The following MAGI1 variants were observed in gnomAD, a reference collection of about 807,000 sequenced individuals.
MAGI1 encodes membrane associated guanylate kinase, WW and PDZ domain containing 1, also known as membrane-associated guanylate kinase, WW and PDZ domain-containing protein 1.
In MAGI1, 58 loss-of-function variants were observed where a neutral mutation model predicts 139.9. The observed-to-expected ratio is 0.41, with a 90% CI of 0.34 to 0.52. The LOEUF (loss-of-function observed/expected upper bound fraction) is 0.52, where lower values mean the gene tolerates loss of function less well. Ranked by LOEUF, MAGI1 falls within the 20% of genes least tolerant of loss-of-function variation. The pLI is 0.12. For missense variants in MAGI1, 1,874 were observed against 1,901.6 expected, an observed-to-expected ratio of 0.99 and a Z score of 0.27; for synonymous variants, 812 against 737.9, an observed-to-expected ratio of 1.10 and a Z score of -1.63.
chr3:65,850,400 G>C (rs1031300071), intron 1 of MAGI1, among the ~76,000 whole-genome samples: 2 of 152,054 alleles, frequency 1.3e-5, no homozygotes, highest in Non-Finnish European at 2.9e-5. Context: ...TGCATCCCAG[G>C]AACACTCTCA....
intron 1 of MAGI1, among the ~76,000 whole-genome samples, chr3:65,681,190 C>T (rs1200788760): frequency 4.6e-5 from 7 of 152,294 alleles, no homozygotes; most frequent in South Asian, 2.1e-4. Context: ...TTTACTTAAG[C>T]GCAACCACTT....
intron 1 of MAGI1, among the ~76,000 whole-genome samples, chr3:66,037,511 G>C (rs2068998123): frequency 6.6e-6 from 1 of 152,168 alleles, no homozygotes; most frequent in African/African-American, 2.4e-5. Context: ...AGCTCACCTG[G>C]AGGGGTCGCG....
intron 1 of MAGI1, among the ~76,000 whole-genome samples, chr3:65,790,890 C>A (rs796568264): frequency 3.6e-4 from 55 of 152,206 alleles, no homozygotes; most frequent in African/African-American, 1.3e-3. Flanking sequence ...GCCTGGCCAA[C>A]ATGGTAAAAT....
At chr3:65,907,745 T>TA (rs1314160203) in intron 1 of MAGI1, 2 of 152,234 alleles carry the variant, frequency 1.3e-5, no homozygotes, top group African/African-American at 4.8e-5. Context: ...AGCCTGAGGC[T>TA]ATTCCTTCTC....
At chr3:65,800,040 T>C (rs2040415901) in intron 1 of MAGI1, among the ~76,000 whole-genome samples, 1 of 152,224 alleles carries the variant, frequency 6.6e-6, no homozygotes, top group Non-Finnish European at 1.5e-5. Flanking sequence ...ATTCCAAGTC[T>C]ACCACTTACT....
intron 1 of MAGI1, among the ~76,000 whole-genome samples, chr3:65,909,249 G>A (rs2061560767): frequency 6.6e-6 from 1 of 152,008 alleles, no homozygotes; most frequent in African/African-American, 2.4e-5. Flanking sequence ...TATAGTCTGG[G>A]CATGGTGGCT....
intron 1 of MAGI1, among the ~76,000 whole-genome samples, chr3:65,779,949 T>C (rs1329305614): frequency 6.6e-6 from 1 of 151,110 alleles, no homozygotes; most frequent in Non-Finnish European, 1.5e-5. Flanking sequence ...AACACAGTCC[T>C]TAGTTTCCTA....
At chr3:65,767,740 G>C (rs953029084) in intron 1 of MAGI1, among the ~76,000 whole-genome samples, 1 of 152,108 alleles carries the variant, frequency 6.6e-6, no homozygotes, top group African/African-American at 2.4e-5. Flanking sequence ...AAAACAAAAT[G>C]AAAGTGTCTA....
chr3:65,605,748 C>G (rs1386343633), intron 2 of MAGI1, among the ~76,000 whole-genome samples: 1 of 152,144 alleles, frequency 6.6e-6, no homozygotes, highest in Non-Finnish European at 1.5e-5. Flanking sequence ...GTAAAGTATA[C>G]ATTGTCCAAC....
chr3:65,560,675 A>T (rs1292933771), intron 2 of MAGI1, among the ~76,000 whole-genome samples: 2 of 152,184 alleles, frequency 1.3e-5, no homozygotes, highest in Non-Finnish European at 2.9e-5. Flanking sequence ...ACAGCTCTGC[A>T]AAGGACAAAG....
At chr3:65,897,833 A>G (rs540731230) in intron 1 of MAGI1, among the ~76,000 whole-genome samples, 1 of 151,934 alleles carries the variant, frequency 6.6e-6, no homozygotes, top group South Asian at 2.1e-4. Context: ...ACCGCACTCC[A>G]GCCTGAGCAA....
At chr3:65,390,323 G>A (rs559088012) in intron 14 of MAGI1, among the ~76,000 whole-genome samples, 3 of 152,046 alleles carry the variant, frequency 2.0e-5, no homozygotes, top group African/African-American at 4.8e-5. Flanking sequence ...ATACCAAAAA[G>A]AGAAAATGAG....
At position 65,905,323 on chromosome 3, in the gene MAGI1, C is replaced by A. The variant is rs1470741827; in HGVS notation, c.313+132673G>T. ...ACACCCTACAAAATACAAGACCCAA[C>A]TTTTAATTATTAAACTCAACAGATA... On this transcript the variant is annotated intron_variant, in intron 1 of 22. Transcript: ENST00000402939. Among the ~76,000 whole-genome samples the A allele has an allele frequency of 2.0e-5, 3 of 152,276 alleles. No homozygotes were observed. In the East Asian group the frequency reaches 5.8e-4, roughly 29 times the overall value.
At chr3:65,984,905 T>A (rs76760816) in intron 1 of MAGI1, among the ~76,000 whole-genome samples, 3,971 of 152,158 alleles carry the variant, frequency 0.026, 81 homozygotes, top group Non-Finnish European at 0.042. Flanking sequence ...GGGGAAGTTT[T>A]CTCTTTTCTT....
chr3:65,883,301 A>C (rs923511101), intron 1 of MAGI1, among the ~76,000 whole-genome samples: 9 of 152,234 alleles, frequency 5.9e-5, no homozygotes, highest in African/African-American at 1.9e-4. Context: ...AAGTTGAAAA[A>C]AATATTTCAC....
At chr3:65,776,112 G>A (rs140456250) in intron 1 of MAGI1, among the ~76,000 whole-genome samples, 258 of 152,088 alleles carry the variant, frequency 1.7e-3, no homozygotes, top group African/African-American at 6.1e-3. Context: ...TACTTAGTTT[G>A]CAATTTTTGC....
At chr3:65,488,688 TAC>T in intron 3 of MAGI1, among the ~76,000 whole-genome samples, 1 of 151,848 alleles carries the variant, frequency 6.6e-6, no homozygotes, top group African/African-American at 2.4e-5. Context: ...ATTCATATAT[TAC>T]ACAGAGTCTT....
At chr3:65,880,461 C>G (rs916383288) in intron 1 of MAGI1, among the ~76,000 whole-genome samples, 3 of 152,136 alleles carry the variant, frequency 2.0e-5, no homozygotes, top group African/African-American at 7.2e-5. Flanking sequence ...TGTCACAATT[C>G]AGCCAAAACA....
intron 1 of MAGI1, among the ~76,000 whole-genome samples, chr3:65,780,813 C>T (rs60373519): frequency 0.044 from 6,694 of 152,194 alleles, 226 homozygotes; most frequent in African/African-American, 0.092. Flanking sequence ...AGAATCTAGC[C>T]CACATGGGGC....
Sources: gnomAD v4.1 joint callset for allele counts (sites outside exome capture counted in the v4.1 genomes callset) on GRCh38, gnomAD v4.1.1 for gene constraint, MANE v1.5 for transcripts, NCBI Gene and HGNC (gene_info 2026-07-23, HGNC 2026-07-21) for gene names.